ATF3: variants seen among roughly 807,000 people sequenced by gnomAD.
ATF3 encodes activating transcription factor 3, also known as cyclic AMP-dependent transcription factor ATF-3.
Under a neutral mutation model 18.4 loss-of-function variants are expected in ATF3, and 10 were observed. The ratio of observed to expected loss-of-function variants is 0.54; its 90% CI spans 0.34 to 0.92. The LOEUF (loss-of-function observed/expected upper bound fraction) is 0.92, where lower values mean the gene tolerates loss of function less well. ATF3 is among the 40% of genes least tolerant of loss of function. The pLI, the probability that ATF3 is intolerant of heterozygous loss-of-function variation, is 0.02. For missense variants in ATF3, 183 were observed against 222.3 expected (o/e 0.82, Z 1.12); for synonymous variants, 78 against 87.9 (o/e 0.89, Z 0.63).
intron 1 of ATF3, among the ~76,000 whole-genome samples, chr1:212,571,698 C>G (rs187161265): frequency 6.7e-6 from 1 of 149,402 alleles, no homozygotes; most frequent in East Asian, 2.0e-4. Context: ...ACGTGAACCA[C>G]CGCGCCCAGC....
chr1:212,573,994 T>TA (rs913959736), intron 1 of ATF3, among the ~76,000 whole-genome samples: 1 of 151,694 alleles, frequency 6.6e-6, no homozygotes, highest in Admixed American at 6.6e-5. Context: ...TATTACTTTT[T>TA]AAAAAAAGTG....
At chr1:212,577,951 G>T (rs1664613373) in intron 1 of ATF3, among the ~76,000 whole-genome samples, 1 of 152,128 alleles carries the variant, frequency 6.6e-6, no homozygotes, top group South Asian at 2.1e-4. Flanking sequence ...TCAGTAGTTG[G>T]ATTGCTGGAT....
At position 212,602,283 on chromosome 1, in the gene ATF3, C is replaced by A. The variant is rs180975819; in HGVS notation, c.-4-12735C>A. 8.9e-4 allele frequency among the ~76,000 whole-genome samples: 136 copies of A among 152,272 alleles called. 1 individual carries two copies. The highest frequency in any genetic ancestry group is 2.9e-3 in the African/African-American group (121 of 41,546). On this transcript the variant is annotated intron_variant, in intron 1 of 3. Coordinates refer to the ATF3 transcript ENST00000366981. ...TGTTTTAGGGTGCTCTTCTTACAAT[C>A]AGCTTTTTTCACCTTGGCCCTATTC...
intron 1 of ATF3, among the ~76,000 whole-genome samples, chr1:212,591,045 C>T (rs1664874489): frequency 6.6e-6 from 1 of 152,228 alleles, no homozygotes; most frequent in African/African-American, 2.4e-5. Context: ...ACCATCTGAT[C>T]CCAACTTTTT....
chr1:212,584,317 G>A (rs1002011609), intron 1 of ATF3, among the ~76,000 whole-genome samples: 1 of 152,082 alleles, frequency 6.6e-6, no homozygotes, highest in Non-Finnish European at 1.5e-5. Flanking sequence ...AGATGCATGT[G>A]TATAAGAGAT....
intron 1 of ATF3, among the ~76,000 whole-genome samples, chr1:212,571,823 T>C (rs960685289): frequency 1.3e-5 from 2 of 151,900 alleles, no homozygotes; most frequent in Non-Finnish European, 2.9e-5. Context: ...GCCATTCTCC[T>C]GCCTCAGCCT....
chr1:212,574,021 G>A (rs559993913), intron 1 of ATF3, among the ~76,000 whole-genome samples: 13 of 150,132 alleles, frequency 8.7e-5, no homozygotes, highest in South Asian at 4.2e-4. Flanking sequence ...AATTAATTCC[G>A]TAAGTTTTCC....
At chr1:212,565,522 G>A (rs182058164) in intron 1 of ATF3, 1 of 152,292 alleles carries the variant, frequency 6.6e-6, no homozygotes, top group East Asian at 1.9e-4. Context: ...GGGCTAAGTG[G>A]GAAAAATGTT....
intron 1 of ATF3, among the ~76,000 whole-genome samples, chr1:212,571,061 T>G (rs956878115): frequency 7.2e-5 from 11 of 152,260 alleles, no homozygotes; most frequent in African/African-American, 2.7e-4. Flanking sequence ...AAAGGTGTTA[T>G]ACCATTGTAC....
Position 212,614,899 on chromosome 1 carries a change from G to A in ATF3, c.-4-119G>A, listed in dbSNP as rs570644016. 1.2e-4 allele frequency: 196 copies of A among 1,576,928 alleles called. No homozygotes were observed. In the African/African-American group the frequency reaches 2.5e-3, roughly 20 times the overall value. On this transcript the variant is annotated intron_variant, in intron 1 of 3. Transcript: ENST00000341491. ...AATGAAAACAAAACAGAAACCCAAG[G>A]GCTTATGGGACTTTTCTCTGAGGGT...
At chr1:212,592,337 GATA>G (rs1664903099) in intron 1 of ATF3, among the ~76,000 whole-genome samples, 1 of 151,954 alleles carries the variant, frequency 6.6e-6, no homozygotes, top group Non-Finnish European at 1.5e-5. Flanking sequence ...GGGCTTTTAA[GATA>G]ATAATCACAA....
At chr1:212,607,004 C>T (rs1654646834), upstream of ATF3, among the ~76,000 whole-genome samples, 1 of 151,982 alleles carries the variant, frequency 6.6e-6, no homozygotes, top group East Asian at 1.9e-4. Context: ...CGCGCGACGC[C>T]GCTGGAAATC....
At chr1:212,576,720 TC>T (rs67903346) in intron 1 of ATF3, among the ~76,000 whole-genome samples, 977 of 85,270 alleles carry the variant, frequency 0.011, 32 homozygotes, top group Admixed American at 0.041. Flanking sequence ...TCTTTTCTTT[TC>T]TTTTTTTTTT....
At chr1:212,600,764 G>T (rs1654458148) in intron 1 of ATF3, among the ~76,000 whole-genome samples, 1 of 152,146 alleles carries the variant, frequency 6.6e-6, no homozygotes, top group Non-Finnish European at 1.5e-5. Context: ...GTCTCCCCAT[G>T]GGCTGTGAGC....
upstream of ATF3, among the ~76,000 whole-genome samples, chr1:212,606,361 T>A (rs1654623769): frequency 6.6e-6 from 1 of 152,218 alleles, no homozygotes; most frequent in African/African-American, 2.4e-5. Context: ...AGCATTTCTA[T>A]CCAACTTGGA....
At chr1:212,604,493 C>T (rs546391441), upstream of ATF3, among the ~76,000 whole-genome samples, 61 of 152,302 alleles carry the variant, frequency 4.0e-4, no homozygotes, top group African/African-American at 1.5e-3. Context: ...CACAAGGCAC[C>T]TAGTCCATGG....
At chr1:212,599,807 C>T (rs80046771) in intron 1 of ATF3, among the ~76,000 whole-genome samples, 6,807 of 152,268 alleles carry the variant, frequency 0.045, 356 homozygotes, top group East Asian at 0.24. Context: ...CAAGCTTCTG[C>T]CAAAATCCAA....
chr1:212,592,757 G>T (rs554222657), intron 1 of ATF3, among the ~76,000 whole-genome samples: 1 of 151,986 alleles, frequency 6.6e-6, no homozygotes, highest in South Asian at 2.1e-4. Flanking sequence ...ACAGCAAGAG[G>T]CCCTTGTATC....
upstream of ATF3, among the ~76,000 whole-genome samples, chr1:212,605,735 A>T (rs1269614984): frequency 6.6e-6 from 1 of 151,878 alleles, no homozygotes; most frequent in African/African-American, 2.4e-5. Context: ...TCCCCTTTTA[A>T]TTTTTTCCCT....
Sources: gnomAD v4.1 joint callset for allele counts (sites outside exome capture counted in the v4.1 genomes callset) on GRCh38, gnomAD v4.1.1 for gene constraint, MANE v1.5 for transcripts, NCBI Gene and HGNC (gene_info 2026-07-23, HGNC 2026-07-21) for gene names.